ABL2: variants seen among roughly 807,000 people sequenced by gnomAD.
The protein encoded by ABL2 is tyrosine-protein kinase ABL2.
ABL2 carries 49 observed loss-of-function variants against 107.7 expected under a neutral mutation model. The observed-to-expected ratio is 0.45, with a 90% CI of 0.36 to 0.58. ABL2 has a LOEUF of 0.58. ABL2 is among the 20% of genes least tolerant of loss of function. The pLI is 0.00. For synonymous variants in ABL2, 549 were observed against 548.6 expected (o/e 1.00, Z -0.01); for missense variants, 1,245 against 1,457.0 (o/e 0.85, Z 2.37).
intron 1 of ABL2, among the ~76,000 whole-genome samples, chr1:179,220,301 T>C (rs955965237): frequency 2.6e-5 from 4 of 152,224 alleles, no homozygotes; most frequent in Admixed American, 6.5e-5. Context: ...TCAAAAGCTC[T>C]AAAAACTACA....
intron 10 of ABL2, chr1:179,110,892 C>T: frequency 2.5e-6 from 4 of 1,611,876 alleles, no homozygotes; most frequent in Non-Finnish European, 3.4e-6. Context: ...TTAGGCCCTG[C>T]CAACCTGTCC....
chr1:179,185,526 A>G lies in ABL2; in HGVS notation c.157+43715T>C, dbSNP rs970478876. ...GTTAAAAGTGTACAAGTTGCTTTGTATAAGTCACTTTGTTATAATAAAACT... is the reference window on the plus strand; with the variant it reads ...GTTAAAAGTGTACAAGTTGCTTTGTGTAAGTCACTTTGTTATAATAAAACT... On this transcript the variant is annotated intron_variant, in intron 1 of 11. Transcript: ENST00000502732. Among the ~76,000 whole-genome samples the G allele has an allele frequency of 3.9e-5, 6 of 152,192 alleles. No individual in the cohort carries two copies. In the East Asian group the frequency reaches 1.2e-3, roughly 29 times the overall value.
intron 1 of ABL2, among the ~76,000 whole-genome samples, chr1:179,223,472 A>G (rs909810417): frequency 2.0e-5 from 3 of 151,824 alleles, no homozygotes; most frequent in Non-Finnish European, 4.4e-5. Context: ...CAGGCTGAAG[A>G]CCCTTACAGA....
At chr1:179,130,984 A>C (rs1246578692) in intron 3 of ABL2, among the ~76,000 whole-genome samples, 1 of 149,692 alleles carries the variant, frequency 6.7e-6, no homozygotes, top group African/African-American at 2.5e-5. Flanking sequence ...TCTGTCACCC[A>C]GGCTGGAGTG....
intron 1 of ABL2, among the ~76,000 whole-genome samples, chr1:179,219,901 C>G (rs1245168724): frequency 1.3e-5 from 2 of 152,224 alleles, no homozygotes; most frequent in African/African-American, 2.4e-5. Flanking sequence ...ATAATCTTCA[C>G]AATCATCTTG....
At position 179,109,115 on chromosome 1, in the gene ABL2, A is replaced by G. The variant is rs773341075; in HGVS notation, c.2152T>C (p.Tyr718His). Reference protein sequence around the residue: ...QEANLVPPKCYGGSFAQRNLC... With the variant: ...QEANLVPPKCHGGSFAQRNLC... ...TTCCTCTGTGCAAAGCTCCCCCCATAGCACTTGGGTGGCACCAGATTCGCC... is the reference window on the plus strand; with the variant it reads ...TTCCTCTGTGCAAAGCTCCCCCCATGGCACTTGGGTGGCACCAGATTCGCC... The change falls in exon 12 of 12, where the codon TAT (tyrosine) becomes CAT (histidine). Residue 718 changes from tyrosine to histidine, a missense_variant. Transcript: ENST00000502732. The G allele has an allele frequency of 6.2e-7, 1 of 1,603,232 alleles. No individual in the cohort carries two copies. The highest frequency in any genetic ancestry group is 1.4e-5 in the African/African-American group (1 of 70,546).
intron 1 of ABL2, among the ~76,000 whole-genome samples, chr1:179,150,603 T>A (rs886640963): frequency 1.3e-5 from 2 of 152,202 alleles, no homozygotes; most frequent in African/African-American, 4.8e-5. Flanking sequence ...GAAAGTGGTC[T>A]CATGAGATGG....
At chr1:179,125,621 T>C (rs1170747666) in intron 4 of ABL2, among the ~76,000 whole-genome samples, 2 of 152,200 alleles carry the variant, frequency 1.3e-5, no homozygotes, top group Non-Finnish European at 2.9e-5. Context: ...GTATCAGTCA[T>C]TATGTTTTAC....
rs773826498 is a variant in ABL2, at chr1:179,118,572, G to GT, written c.1223+14dup. 20 of 1,602,868 alleles carry GT rather than the reference G, an allele frequency of 1.2e-5. No homozygotes were observed. Among genetic ancestry groups the GT allele is most frequent in the Non-Finnish European group, 1.6e-5 (19 of 1,172,022 alleles). On this transcript the variant is annotated intron_variant, in intron 7 of 11. Coordinates refer to ENST00000502732, the MANE Select transcript of ABL2 (RefSeq NM_007314.4). Reference sequence around the variant, plus strand: ...AAGATGGCTTCATGGTTGGTCAGAGGTAAGTTTTACACACCTATGGATGAA... The same window carrying GT: ...AAGATGGCTTCATGGTTGGTCAGAGGTTAAGTTTTACACACCTATGGATGAA...
Position 179,167,104 on chromosome 1 carries a change from G to A in ABL2, c.158-33730C>T, listed in dbSNP as rs185924736. On this transcript the variant is annotated intron_variant, in intron 1 of 11. Coordinates refer to ENST00000502732, the MANE Select transcript of ABL2 (RefSeq NM_007314.4). ...ATATCAAAAGACTACCTGCATTCAC[G>A]TTTGTTTCAGCATTATACACAATAG... Among the ~76,000 whole-genome samples, 12 of 152,272 alleles carry A rather than the reference G, an allele frequency of 7.9e-5. No homozygotes were observed. In the East Asian group the frequency reaches 1.7e-3, roughly 22 times the overall value.
At chr1:179,165,338 A>G (rs1659316881) in intron 1 of ABL2, among the ~76,000 whole-genome samples, 2 of 152,266 alleles carry the variant, frequency 1.3e-5, no homozygotes, top group South Asian at 4.1e-4. Context: ...TTTTTATATC[A>G]ACCATTTGAA....
intron 1 of ABL2, among the ~76,000 whole-genome samples, chr1:179,171,614 C>T (rs1267727859): frequency 1.3e-5 from 2 of 152,180 alleles, no homozygotes; most frequent in Admixed American, 6.5e-5. Context: ...CCTCAAACTC[C>T]AAGGCTCCAG....
Position 179,102,075 on chromosome 1 carries a change from G to A in ABL2, c.*5643C>T, listed in dbSNP as rs564588541. The A allele has an allele frequency of 1.7e-4, 25 of 150,372 alleles. No homozygotes were observed. The highest frequency in any genetic ancestry group is 6.1e-4 in the Admixed American group (8 of 13,026). 9.3% of individuals were successfully genotyped at this position (150,372 alleles called of 1,614,324 possible). A position where few individuals can be genotyped will look rare whatever the true frequency, so the allele number is the denominator to read the frequency against. ...CACCCAGGCTGGAGTGCAGTGGCGCGATCTGGGCTCACTGCAAGCTCCGCC... is the reference window on the plus strand; with the variant it reads ...CACCCAGGCTGGAGTGCAGTGGCGCAATCTGGGCTCACTGCAAGCTCCGCC... On this transcript the variant is annotated 3_prime_UTR_variant, in exon 12 of 12. Transcript: ENST00000502732.
chr1:179,116,511 CT>C (rs539446954), intron 8 of ABL2, among the ~76,000 whole-genome samples: 482 of 145,154 alleles, frequency 3.3e-3, no homozygotes, highest in Non-Finnish European at 3.6e-3. Flanking sequence ...TTTCTTCTTT[CT>C]TTTTTTTTTT....
intron 1 of ABL2, among the ~76,000 whole-genome samples, chr1:179,224,600 A>T (rs866330033): frequency 2.0e-5 from 3 of 152,090 alleles, no homozygotes; most frequent in Non-Finnish European, 2.9e-5. Context: ...TTTTTAGAAA[A>T]TGAGAGAGGG....
chr1:179,107,913 G>C lies in ABL2; in HGVS notation c.3354C>G (p.Asp1118Glu). Residue 1118 changes from aspartate to glutamate, a missense_variant, in exon 12 of 12, where the codon GAC becomes GAG. Physicochemically the swap from Asp to Glu is conservative, Grantham distance 45. Transcript: ENST00000502732. ...QLVDTGHQLL[D>E]YCSGYVDCIP... ...TGCAGTCCACATAGCCTGAGCAGTA[G>C]TCAAGCAGCTGGTGTCCAGTGTCTA... The C allele has an allele frequency of 6.2e-7, 1 of 1,614,244 alleles. No individual in the cohort carries two copies.
At chr1:179,135,211 C>A (rs1249001807) in intron 1 of ABL2, among the ~76,000 whole-genome samples, 1 of 151,558 alleles carries the variant, frequency 6.6e-6, no homozygotes, top group East Asian at 2.0e-4. Flanking sequence ...ATGTGAGGAG[C>A]CCCTCTGCCT....
intron 1 of ABL2, 68 bp downstream of exon 1, chr1:179,229,173 A>ACCCCCCCCCCCCCCCCCCCCCCCCCCC: frequency 9.0e-6 from 2 of 223,208 alleles, no homozygotes; most frequent in Non-Finnish European, 1.4e-5. Flanking sequence ...CCCGTCCGCC[A>ACCCCCCCCCCCCCCCCCCCCCCCCCCC]CCCACCCCGC....
intron 6 of ABL2, 100 bp from the exon 7 acceptor site, chr1:179,118,864 G>A (rs956313181): frequency 2.3e-5 from 29 of 1,282,664 alleles, no homozygotes; most frequent in Middle Eastern, 2.0e-4. Flanking sequence ...GGTCTAGTTC[G>A]GCAATAATCT....
Sources: allele counts gnomAD v4.1 joint callset (sites outside exome capture counted in the v4.1 genomes callset), GRCh38; gene constraint gnomAD v4.1.1; transcripts MANE v1.5; gene names NCBI Gene and HGNC (gene_info 2026-07-23, HGNC 2026-07-21).